The following PCDHGB7 variants were observed in gnomAD, a reference collection of about 807,000 sequenced individuals.
The protein encoded by PCDHGB7 is protocadherin gamma subfamily B, 7.
PCDHGB7 carries 37 observed loss-of-function variants against 61.4 expected under a neutral mutation model. That is an observed-to-expected ratio of 0.60 (90% CI 0.46 to 0.79). The LOEUF (loss-of-function observed/expected upper bound fraction) is 0.79, where lower values mean the gene tolerates loss of function less well. PCDHGB7 is among the 30% of genes least tolerant of loss of function. The pLI, the probability that PCDHGB7 is intolerant of heterozygous loss-of-function variation, is 0.00. For missense variants in PCDHGB7, 1,166 were observed against 1,202.5 expected, an observed-to-expected ratio of 0.97 and a Z score of 0.45; for synonymous variants, 464 against 503.5, an observed-to-expected ratio of 0.92 and a Z score of 1.05.
At chr5:141,457,524 G>A (rs1427291573) in intron 1 of PCDHGB7, among the ~76,000 whole-genome samples, 1 of 152,188 alleles carries the variant, frequency 6.6e-6, no homozygotes, top group African/African-American at 2.4e-5. Context: ...CAATTAATGA[G>A]ACTAGGGTTT....
chr5:141,423,956 A>T, intron 1 of PCDHGB7: 4 of 1,182,724 alleles, frequency 3.4e-6, no homozygotes, highest in Non-Finnish European at 4.2e-6. Context: ...TTTTAGTATT[A>T]TTTTTCTATT....
At position 141,491,289 on chromosome 5, in the gene PCDHGB7, C is replaced by T. The variant is rs2099710219; in HGVS notation, c.2416-3518C>T. ...CCAAATCCAGTGACTTCCTCATACA[C>T]CCTCCTGAGCGTTCAGACCTTACCC... On this transcript the variant is annotated intron_variant, in intron 1 of 3. Transcript: ENST00000398594. The surrounding 1 kb of genome is among the most constrained non-coding windows in gnomAD (Gnocchi z 6.9). 2 of 1,614,112 alleles carry T rather than the reference C, an allele frequency of 1.2e-6. No homozygotes were observed. The highest frequency in any genetic ancestry group is 1.7e-6 in the Non-Finnish European group (2 of 1,179,942).
intron 2 of PCDHGB7, among the ~76,000 whole-genome samples, chr5:141,503,324 C>T (rs1389385473): frequency 7.9e-5 from 12 of 152,014 alleles, no homozygotes; most frequent in South Asian, 2.1e-4. Context: ...TGGAGGGGCG[C>T]GGTGGCTCAC....
rs769671283 is a variant in PCDHGB7, at chr5:141,511,391, C to A, written c.*218C>A. 1 of 1,079,748 alleles carries A rather than the reference C, an allele frequency of 9.3e-7. No homozygotes were observed. The allele number at this position is 1,079,748 out of a possible 1,614,324, so 66.9% of individuals were successfully genotyped here. On this transcript the variant is annotated 3_prime_UTR_variant, in exon 4 of 4. Transcript: ENST00000398594. ...TGCAAAAGCAGTTCCGCTGGGAACC[C>A]CCATCCAATCAACTGCTGTACCCAT...
At chr5:141,440,113 G>A (rs1375262224) in intron 1 of PCDHGB7, 1 of 152,248 alleles carries the variant, frequency 6.6e-6, no homozygotes, top group Non-Finnish European at 1.5e-5. Context: ...ACTTACTTGT[G>A]AATGACTGAA....
At position 141,419,748 on chromosome 5, in the gene PCDHGB7, G is replaced by T; in HGVS notation, c.1889G>T (p.Arg630Leu). Reference protein sequence around the residue: ...GLRTGEVRMVRALGDKDSVRQ... With the variant: ...GLRTGEVRMVLALGDKDSVRQ... ...CGAACAGGCGAGGTGCGCATGGTGCGTGCTTTGGGTGACAAGGACTCGGTC... is the reference window on the plus strand; with the variant it reads ...CGAACAGGCGAGGTGCGCATGGTGCTTGCTTTGGGTGACAAGGACTCGGTC... Residue 630 changes from arginine to leucine, a missense_variant, in exon 1 of 4, where the codon CGT (arginine) becomes CTT (leucine). Coordinates refer to ENST00000398594, the MANE Select transcript of PCDHGB7 (RefSeq NM_018927.4). 1 of 1,613,872 alleles carries T rather than the reference G, an allele frequency of 6.2e-7. No homozygotes were observed. Among genetic ancestry groups the T allele is most frequent in the Non-Finnish European group, 8.5e-7 (1 of 1,179,860 alleles).
chr5:141,469,284 A>G lies in PCDHGB7; in HGVS notation c.2416-25523A>G, dbSNP rs192391622. On this transcript the variant is annotated intron_variant, in intron 1 of 3. Transcript: ENST00000398594. ...AGAGCAAGACCCCATCTCAAAAAAT[A>G]AAACAAAATAGACTGGGCACGATGG... Among the ~76,000 whole-genome samples, 595 of 152,012 alleles carry G rather than the reference A, an allele frequency of 3.9e-3. 6 individuals are homozygous for G. The highest frequency in any genetic ancestry group is 0.011 in the Admixed American group (171 of 15,260).
At chr5:141,505,085 C>A (rs954289918) in intron 2 of PCDHGB7, among the ~76,000 whole-genome samples, 1 of 152,162 alleles carries the variant, frequency 6.6e-6, no homozygotes, top group Non-Finnish European at 1.5e-5. Context: ...TCGCTTGAAC[C>A]CAGGAGGTGG....
intron 1 of PCDHGB7, chr5:141,492,027 A>T (rs1157170828): frequency 8.8e-6 from 5 of 565,466 alleles, no homozygotes; most frequent in African/African-American, 7.7e-5. Flanking sequence ...GGGTCCCGGG[A>T]GGAGGCAGTC....
At chr5:141,427,008 C>G (rs762510673) in intron 1 of PCDHGB7, 145 of 456,786 alleles carry the variant, frequency 3.2e-4, no homozygotes, top group African/African-American at 2.8e-3. Context: ...AGTTTTTAGC[C>G]AGGATGTATA....
intron 2 of PCDHGB7, among the ~76,000 whole-genome samples, chr5:141,497,621 C>T (rs769483223): frequency 7.3e-5 from 11 of 151,482 alleles, no homozygotes; most frequent in Non-Finnish European, 1.3e-4. Flanking sequence ...CTCACTGCAA[C>T]CTCTGCCTGC....
rs747179611 is a variant in PCDHGB7 at position 141,476,473 on chromosome 5, C to T, written c.2416-18334C>T. ...TAGTGGAGAACCCGCTGGAGCTGTT[C>T]AGCGTGGAAGTGGTGATCCAGGACA... On this transcript the variant is annotated intron_variant, in intron 1 of 3. Coordinates refer to ENST00000398594, the MANE Select transcript of PCDHGB7 (RefSeq NM_018927.4). The surrounding 1 kb of genome is among the most constrained non-coding windows in gnomAD (Gnocchi z 7.6). 3.1e-6 allele frequency: 5 copies of T among 1,613,888 alleles called. No homozygotes were observed. The highest frequency in any genetic ancestry group is 3.3e-5 in the Admixed American group (2 of 59,984).
In PCDHGB7 at chr5:141,431,023, C is replaced by T. The variant is rs374655655; in HGVS notation, c.2415+10749C>T. 1 of 1,613,748 alleles carries T rather than the reference C, an allele frequency of 6.2e-7. No homozygotes were observed. On this transcript the variant is annotated intron_variant, in intron 1 of 3. Coordinates refer to ENST00000398594, the MANE Select transcript of PCDHGB7 (RefSeq NM_018927.4). This position sits in a 1 kb window ranked among gnomAD's most constrained non-coding sequence, Gnocchi z 4.8. Reference sequence around the variant, plus strand: ...GCAGCGGCAGCTTGGTCACGGCGGGCAGGATAGACCGGGAGGAGCTCTGTA... The same window carrying T: ...GCAGCGGCAGCTTGGTCACGGCGGGTAGGATAGACCGGGAGGAGCTCTGTA...
rs756423770 is a variant in PCDHGB7 at position 141,430,950 on chromosome 5, T to G, written c.2415+10676T>G. 8 of 1,609,862 alleles carry G rather than the reference T, an allele frequency of 5.0e-6. No individual in the cohort carries two copies. The East Asian group carries it at 1.6e-4, about 31-fold the overall frequency. On this transcript the variant is annotated intron_variant, in intron 1 of 3. Coordinates refer to ENST00000398594, the MANE Select transcript of PCDHGB7 (RefSeq NM_018927.4). ...CCCCGGGAGCTCGCGGAGCGCGGAG[T>G]CCGCATCATCCCCAGAGGTAGGACG...
At position 141,485,073 on chromosome 5, in the gene PCDHGB7, C is replaced by T. The variant is rs1167407526; in HGVS notation, c.2416-9734C>T. ...CGGCCGAACCGCGCCAGAGCTGGCG[C>T]GGGGAAAGGGAGATAGGTGTCTCCA... On this transcript the variant is annotated intron_variant, in intron 1 of 3. Transcript: ENST00000398594. The surrounding 1 kb of genome is among the most constrained non-coding windows in gnomAD (Gnocchi z 5.7). 3.3e-6 allele frequency: 3 copies of T among 922,354 alleles called. No homozygotes were observed. The highest frequency in any genetic ancestry group is 4.8e-5 in the East Asian group (2 of 41,404). 57.1% of individuals were successfully genotyped at this position (922,354 alleles called of 1,614,324 possible).
chr5:141,451,216 A>G (rs1561943760), intron 1 of PCDHGB7, among the ~76,000 whole-genome samples: 1 of 152,204 alleles, frequency 6.6e-6, no homozygotes, highest in Non-Finnish European at 1.5e-5. Context: ...TTAGTGGCTT[A>G]AAAGAAGCAT....
chr5:141,429,879 A>T (rs2097250861), intron 1 of PCDHGB7, among the ~76,000 whole-genome samples: 1 of 152,210 alleles, frequency 6.6e-6, no homozygotes, highest in African/African-American at 2.4e-5. Context: ...TCTTTTACTA[A>T]GTTTCCTGAA....
rs1205836590 is a variant in PCDHGB7 at position 141,476,270 on chromosome 5, G to A, written c.2416-18537G>A. The A allele has an allele frequency of 6.2e-7, 1 of 1,614,088 alleles. No individual in the cohort carries two copies. Among genetic ancestry groups the A allele is most frequent in the Admixed American group, 1.7e-5 (1 of 60,026 alleles). Reference sequence around the variant, plus strand: ...GGGTTTCGCTGTGGGCAACGTGGTCGCGAACCTTGGTTTGGATCTCGGTAG... The same window carrying A: ...GGGTTTCGCTGTGGGCAACGTGGTCACGAACCTTGGTTTGGATCTCGGTAG... On this transcript the variant is annotated intron_variant, in intron 1 of 3. Transcript: ENST00000398594. The surrounding 1 kb of genome is among the most constrained non-coding windows in gnomAD (Gnocchi z 7.6).
At position 141,431,424 on chromosome 5, in the gene PCDHGB7, G is replaced by A; in HGVS notation, c.2415+11150G>A. The A allele has an allele frequency of 1.9e-6, 3 of 1,613,676 alleles. No individual in the cohort carries two copies. The highest frequency in any genetic ancestry group is 2.5e-6 in the Non-Finnish European group (3 of 1,180,028). On this transcript the variant is annotated intron_variant, in intron 1 of 3. Coordinates refer to ENST00000398594, the MANE Select transcript of PCDHGB7 (RefSeq NM_018927.4). The surrounding 1 kb of genome is among the most constrained non-coding windows in gnomAD (Gnocchi z 4.8). ...GCCTCCGACGGGGGCGACCCGGTGC[G>A]CACAGGCACCGCGCGCATCCGCGTG... is the stretch of plus-strand genomic sequence containing the variant.
Sources: gnomAD v4.1 joint callset for allele counts (sites outside exome capture counted in the v4.1 genomes callset) on GRCh38, gnomAD v4.1.1 for gene constraint, Gnocchi (gnomAD v3.1) non-coding constraint, MANE v1.5 for transcripts, NCBI Gene and HGNC (gene_info 2026-07-23, HGNC 2026-07-21) for gene names.